The following NBPF20 variants were observed in gnomAD, a reference collection of about 807,000 sequenced individuals.
The protein encoded by NBPF20 is NBPF family member NBPF20.
In NBPF20, 90 loss-of-function variants were observed where a neutral mutation model predicts 68.1. The observed-to-expected ratio is 1.32, with a 90% CI of 1.11 to 1.58. The LOEUF (loss-of-function observed/expected upper bound fraction) is 1.58. Among genes scored for constraint, NBPF20 ranks in the 40% most tolerant of loss-of-function variants. The pLI is 0.00. For synonymous variants in NBPF20, 290 were observed against 228.1 expected (o/e 1.27, Z -2.45); for missense variants, 816 against 601.2 (o/e 1.36, Z -3.74).
At chr1:145,393,838 C>G in intron 9 of NBPF20, 46 bp downstream of exon 14, 7 of 1,381,864 alleles carry the variant, frequency 5.1e-6, no homozygotes, top group South Asian at 2.3e-5. Context: ...CTTGGCATCT[C>G]CAGGTGTCAA....
At chr1:145,396,271 T>C (rs1399968499) in intron 7 of NBPF20, among the ~76,000 whole-genome samples, 1 of 151,814 alleles carries the variant, frequency 6.6e-6, no homozygotes, top group South Asian at 2.1e-4. Context: ...AAGATCAAAT[T>C]AGTGAAATGA....
intron 9 of NBPF20, 101 bp downstream of exon 14, chr1:145,393,783 G>A: frequency 1.4e-6 from 2 of 1,418,398 alleles, no homozygotes; most frequent in East Asian, 4.6e-5. Context: ...AGACTTGTCT[G>A]ACAAGACAAA....
chr1:145,397,407 T>C (rs1400503562), intron 7 of NBPF20, among the ~76,000 whole-genome samples: 1 of 152,178 alleles, frequency 6.6e-6, no homozygotes, highest in Non-Finnish European at 1.5e-5. Context: ...TGTTCCTATT[T>C]CTCCACATCC....
chr1:145,334,831 G>A (rs1266531952), intron 83 of NBPF20, among the ~76,000 whole-genome samples, 200 bp from the exon 89 acceptor site: 52 of 138,546 alleles, frequency 3.8e-4, no homozygotes, highest in Non-Finnish European at 5.6e-4. Context: ...CAGGGAGAGG[G>A]AGGGAGAGAG....
intron 112 of NBPF20, among the ~76,000 whole-genome samples, chr1:145,311,820 C>T (rs1174010261): frequency 6.0e-5 from 6 of 99,872 alleles, no homozygotes; most frequent in South Asian, 3.3e-4. Flanking sequence ...CACTATTCAG[C>T]CCTGTCTCAT....
the NBPF20 span, among the ~76,000 whole-genome samples, chr1:145,424,514 C>T: frequency 1.3e-5 from 2 of 152,218 alleles, no homozygotes; most frequent in Non-Finnish European, 2.9e-5. Flanking sequence ...TCGTGAAGCA[C>T]TGGGATTCAT....
intron 7 of NBPF20, among the ~76,000 whole-genome samples, chr1:145,396,754 GTA>G (rs1195769236): frequency 0.47 from 66,066 of 141,574 alleles, 15,410 homozygotes; most frequent in Middle Eastern, 0.6. Context: ...TTGTGTGTAT[GTA>G]TATATATATA....
At chr1:145,407,257 A>T (rs1293955769), upstream of NBPF20, among the ~76,000 whole-genome samples, 2 of 149,302 alleles carry the variant, frequency 1.3e-5, no homozygotes, top group African/African-American at 4.9e-5. Context: ...GACGGGGAAC[A>T]TCACACACCA....
At chr1:145,403,142 T>G in intron 3 of NBPF20, 74 bp downstream of exon 8, 1 of 1,572,406 alleles carries the variant, frequency 6.4e-7, no homozygotes, top group Non-Finnish European at 8.7e-7. Flanking sequence ...AGCTCTTACG[T>G]CTCCCCACCG....
exon 9 of NBPF20, chr1:145,393,891 C>A (rs1177389127): frequency 3.9e-6 from 6 of 1,543,806 alleles, no homozygotes; most frequent in Non-Finnish European, 5.3e-6. Context: ...CACCTGGGAC[C>A]TGTTGCCTCT....
chr1:145,424,496 C>A, the NBPF20 span, among the ~76,000 whole-genome samples: 1 of 152,214 alleles, frequency 6.6e-6, no homozygotes, highest in African/African-American at 2.4e-5. Context: ...CAGATCTTTT[C>A]TTTAACTTCG....
At position 145,402,206 on chromosome 1, in the gene NBPF20, A is replaced by G; in HGVS notation, c.454T>C (p.Cys152Arg). ...TGGACAAGGTGCTGTGCCAGTCTAC[A>G]CCCCTCAGCCAGCTGTTCTTGGAGG... Residue 152 changes from cysteine to arginine, a missense_variant, in exon 4 of 138, where the codon TGT (cysteine) becomes CGT (arginine). By Grantham distance (180) the Cys-to-Arg change is radical (BLOSUM62 -3). Coordinates refer to ENST00000369373, the Ensembl canonical transcript of NBPF20. 4 of 1,585,500 alleles carry G rather than the reference A, an allele frequency of 2.5e-6. No homozygotes were observed. In the Admixed American group the frequency reaches 5.0e-5, roughly 20 times the overall value.
chr1:145,306,285 A>T (rs1661406671), intron 119 of NBPF20, among the ~76,000 whole-genome samples: 1 of 149,012 alleles, frequency 6.7e-6, no homozygotes, highest in Non-Finnish European at 1.5e-5. Flanking sequence ...ACACACACAC[A>T]CACACACACA....
At position 145,292,029 on chromosome 1, in the gene NBPF20, C is replaced by A. The variant is rs770302090; in HGVS notation, c.16698-260G>T. On this transcript the variant is annotated intron_variant, in intron 137 of 137. Transcript: ENST00000369373. ...CCTAGTGAATTGCCCAGGTGACATA[C>A]TGGTAAGGGAGTCAAAGGACACTCT... is the stretch of plus-strand genomic sequence containing the variant. 4.7e-5 allele frequency among the ~76,000 whole-genome samples: 7 copies of A among 149,582 alleles called. 1 individual carries two copies. The highest frequency in any genetic ancestry group is 1.3e-4 in the African/African-American group (5 of 39,006).
At chr1:145,334,952 A>T (rs1661566016) in intron 83 of NBPF20, among the ~76,000 whole-genome samples, 1 of 108,602 alleles carries the variant, frequency 9.2e-6, no homozygotes, top group South Asian at 3.8e-4. Flanking sequence ...CACAGCGAAC[A>T]GTGATCATGA....
intron 3 of NBPF20, 69 bp downstream of exon 8, chr1:145,403,147 C>A (rs1418899715): frequency 1.3e-5 from 21 of 1,589,080 alleles, no homozygotes; most frequent in Non-Finnish European, 1.7e-5. Context: ...TTACGTCTCC[C>A]CACCGAGCTG....
At chr1:145,394,230 A>C (rs1242701555) in intron 8 of NBPF20, among the ~76,000 whole-genome samples, 2 of 151,898 alleles carry the variant, frequency 1.3e-5, no homozygotes, top group Non-Finnish European at 2.9e-5. Flanking sequence ...GTAGGCAAAT[A>C]GTTCTAACAC....
chr1:145,421,663 T>C, the NBPF20 span, among the ~76,000 whole-genome samples: 614 of 152,292 alleles, frequency 4.0e-3, 3 homozygotes, highest in African/African-American at 0.014. Context: ...ATAATCATAA[T>C]AACAACAATG....
exon 138 of NBPF20, chr1:145,291,198 T>C (rs1280486196): frequency 4.2e-6 from 2 of 477,978 alleles, no homozygotes; most frequent in Non-Finnish European, 7.6e-6. Flanking sequence ...CTTGAGCAGG[T>C]ATAGAAGCTC....
Sources: gnomAD v4.1 joint callset for allele counts (sites outside exome capture counted in the v4.1 genomes callset) on GRCh38, gnomAD v4.1.1 for gene constraint, MANE v1.5 for transcripts, NCBI Gene and HGNC (gene_info 2026-07-23, HGNC 2026-07-21) for gene names.